Variants in PTPRO observed in about 807,000 individuals in gnomAD.
PTPRO encodes receptor-type tyrosine-protein phosphatase O.
A neutral mutation model predicts 145.2 loss-of-function variants in PTPRO; 62 were observed. The ratio of observed to expected loss-of-function variants is 0.43; its 90% CI spans 0.35 to 0.53. The LOEUF (loss-of-function observed/expected upper bound fraction) is 0.53. Among genes scored for constraint, PTPRO ranks in the 20% least tolerant of loss-of-function variants. The pLI, the probability that PTPRO is intolerant of heterozygous loss-of-function variation, is 0.01. For synonymous variants in PTPRO, 565 were observed against 514.7 expected (o/e 1.10, Z -1.32); for missense variants, 1,345 against 1,482.7 (o/e 0.91, Z 1.53).
At chr12:15,518,099 A>G (rs552863297) in intron 9 of PTPRO, among the ~76,000 whole-genome samples, 2 of 152,188 alleles carry the variant, frequency 1.3e-5, no homozygotes, top group Admixed American at 1.3e-4. Flanking sequence ...AAGTGTTTCC[A>G]TACATTTTCT....
chr12:15,428,877 G>A (rs750083909), intron 1 of PTPRO, among the ~76,000 whole-genome samples: 1 of 152,038 alleles, frequency 6.6e-6, no homozygotes, highest in Non-Finnish European at 1.5e-5. Flanking sequence ...AGGAGAAGAT[G>A]ATTGCCAAAA....
At chr12:15,489,087 A>G (rs897036806) in intron 2 of PTPRO, among the ~76,000 whole-genome samples, 1 of 152,200 alleles carries the variant, frequency 6.6e-6, no homozygotes, top group Admixed American at 6.5e-5. Flanking sequence ...TTTAGTTATC[A>G]GGTACATTCT....
At chr12:15,471,574 T>C (rs369590344) in intron 1 of PTPRO, among the ~76,000 whole-genome samples, 3 of 152,226 alleles carry the variant, frequency 2.0e-5, no homozygotes, top group Non-Finnish European at 4.4e-5. Context: ...AGAGTAAGTA[T>C]GATGTAAGTA....
At chr12:15,372,659 C>T (rs572224557) in intron 1 of PTPRO, among the ~76,000 whole-genome samples, 40 of 152,114 alleles carry the variant, frequency 2.6e-4, no homozygotes, top group Admixed American at 6.6e-4. Flanking sequence ...AGTGAAATAC[C>T]ACGCAAGACA....
chr12:15,514,321 C>G (rs933935566), intron 7 of PTPRO, among the ~76,000 whole-genome samples: 16 of 151,692 alleles, frequency 1.1e-4, no homozygotes, highest in Admixed American at 1.1e-3. Flanking sequence ...GCGTGGTGGC[C>G]CACAACTGTA....
chr12:15,440,871 T>G (rs775754726), intron 1 of PTPRO, among the ~76,000 whole-genome samples: 1 of 152,200 alleles, frequency 6.6e-6, no homozygotes, highest in Non-Finnish European at 1.5e-5. Flanking sequence ...GCAACCAGAT[T>G]TATAAGCCTG....
chr12:15,595,205 G>A, intron 26 of PTPRO, 148 bp downstream of exon 26: 1 of 670,542 alleles, frequency 1.5e-6, no homozygotes, highest in Non-Finnish European at 2.7e-6. Flanking sequence ...TCACATGGGT[G>A]GTCACAGGGA....
Position 15,386,217 on chromosome 12 carries a change from T to A in PTPRO, c.75+63416T>A, listed in dbSNP as rs532240321. On this transcript the variant is annotated intron_variant, in intron 1 of 26. Coordinates refer to ENST00000281171, the MANE Select transcript of PTPRO (RefSeq NM_030667.3). ...AGAAACAACAAGGAACATAACCAGT[T>A]GCATGAGATTTCAGATATTTGCCTT... 5.3e-5 allele frequency among the ~76,000 whole-genome samples: 8 copies of A among 152,222 alleles called. No homozygotes were observed. The East Asian group carries it at 1.4e-3, about 26-fold the overall frequency.
intron 1 of PTPRO, among the ~76,000 whole-genome samples, chr12:15,447,756 CT>C (rs35251243): frequency 0.85 from 129,601 of 151,940 alleles, 58,061 homozygotes; most frequent in Non-Finnish European, 0.98. Flanking sequence ...ATCTTATAGT[CT>C]TTGAACAAAA....
At chr12:15,377,370 A>G (rs1490235024) in intron 1 of PTPRO, among the ~76,000 whole-genome samples, 1 of 152,050 alleles carries the variant, frequency 6.6e-6, no homozygotes, top group Non-Finnish European at 1.5e-5. Context: ...AAGGCAAATG[A>G]TGTCAGAAAA....
At chr12:15,398,626 A>C (rs1939408779) in intron 1 of PTPRO, among the ~76,000 whole-genome samples, 1 of 152,194 alleles carries the variant, frequency 6.6e-6, no homozygotes, top group South Asian at 2.1e-4. Context: ...TGGTAAATTT[A>C]GCTAAATCCC....
At chr12:15,412,047 G>A (rs576331534) in intron 1 of PTPRO, among the ~76,000 whole-genome samples, 4 of 152,244 alleles carry the variant, frequency 2.6e-5, no homozygotes, top group East Asian at 1.9e-4. Flanking sequence ...ACACCCTCAC[G>A]CAGCTCTCTT....
rs1188564734 is a variant in PTPRO at position 15,501,622 on chromosome 12, C to G, written c.664C>G (p.Pro222Ala). The G allele has an allele frequency of 2.5e-6, 4 of 1,611,952 alleles. No homozygotes were observed. The highest frequency in any genetic ancestry group is 2.7e-5 in the African/African-American group (2 of 74,812). ...AATGAAAATTCTCTCTCTTACAGCC[C>G]CTTATCCACCTCAAAATATTTCCGT... ...SHEPKQHRTA[P>A]YPPQNISVRI... The change falls in exon 5 of 27, where the codon CCT becomes GCT. Residue 222 changes from proline (P) to alanine (A), a missense_variant and splice_region_variant. Coordinates refer to ENST00000281171, the MANE Select transcript of PTPRO (RefSeq NM_030667.3).
chr12:15,355,972 T>C (rs764035283), intron 1 of PTPRO, among the ~76,000 whole-genome samples: 1 of 152,218 alleles, frequency 6.6e-6, no homozygotes, highest in Non-Finnish European at 1.5e-5. Context: ...TATGACTGTG[T>C]ACTTTTAATT....
intron 1 of PTPRO, among the ~76,000 whole-genome samples, chr12:15,469,213 T>C (rs980795285): frequency 2.6e-5 from 4 of 152,182 alleles, no homozygotes; most frequent in African/African-American, 9.7e-5. Context: ...ACAGCTACAT[T>C]TTCACAACTT....
At chr12:15,405,839 A>G (rs1010160169) in intron 1 of PTPRO, among the ~76,000 whole-genome samples, 5 of 152,206 alleles carry the variant, frequency 3.3e-5, no homozygotes, top group African/African-American at 1.2e-4. Flanking sequence ...GTGATGGACC[A>G]ATACAGTTAC....
At chr12:15,381,586 CAATAAT>C (rs1037105869) in intron 1 of PTPRO, among the ~76,000 whole-genome samples, 1 of 152,042 alleles carries the variant, frequency 6.6e-6, no homozygotes, top group African/African-American at 2.4e-5. Flanking sequence ...AAGAAGACAA[CAATAAT>C]CTCTTAATGA....
chr12:15,466,515 A>G (rs1485984376), intron 1 of PTPRO, among the ~76,000 whole-genome samples: 4 of 152,210 alleles, frequency 2.6e-5, no homozygotes, highest in Non-Finnish European at 4.4e-5. Flanking sequence ...AAAGTTTTGC[A>G]ATGCCTATAA....
At chr12:15,588,532 A>T (rs991018685) in intron 24 of PTPRO, among the ~76,000 whole-genome samples, 10 of 152,120 alleles carry the variant, frequency 6.6e-5, no homozygotes, top group African/African-American at 2.2e-4. Flanking sequence ...ACTGGCTGAG[A>T]CTGGGTCCAA....
Sources: gnomAD v4.1 joint callset for allele counts (sites outside exome capture counted in the v4.1 genomes callset) on GRCh38, gnomAD v4.1.1 for gene constraint, MANE v1.5 for transcripts, NCBI Gene and HGNC (gene_info 2026-07-23, HGNC 2026-07-21) for gene names.